HOXA4: variants seen among roughly 807,000 people sequenced by gnomAD.
The protein encoded by HOXA4 is homeobox protein Hox-A4.
HOXA4 carries 31 observed loss-of-function variants against 25.3 expected under a neutral mutation model. That is an observed-to-expected ratio of 1.22 (90% confidence interval 0.92 to 1.65). The LOEUF is 1.65. Ranked by LOEUF, HOXA4 falls within the 40% of genes most tolerant of loss-of-function variation. The pLI, the probability that HOXA4 is intolerant of heterozygous loss-of-function variation, is 0.00. For synonymous variants in HOXA4, 225 were observed against 207.7 expected (o/e 1.08, Z -0.72); for missense variants, 459 against 446.0 (o/e 1.03, Z -0.26).
In HOXA4 at chr7:27,130,161, C is replaced by T. The variant is rs1330441423; in HGVS notation, c.573G>A (p.Glu191=). The change falls in exon 1 of 2, where the codon GAG becomes GAA. Residue 191 remains glutamate, a synonymous_variant. Transcript: ENST00000360046. Reference sequence around the variant, plus strand: ...TCTTCATCCAGGGGTACACCACGGGCTCCTTGCCCTTCAGGCCCAGCGGGC... The same window carrying T: ...TCTTCATCCAGGGGTACACCACGGGTTCCTTGCCCTTCAGGCCCAGCGGGC... The part of the protein sequence containing the change: ...DKSPLGLKGK[E]PVVYPWMKKI... The T allele has an allele frequency of 1.9e-6, 3 of 1,601,342 alleles. No individual in the cohort carries two copies. The highest frequency in any genetic ancestry group is 3.4e-5 in the Admixed American group (2 of 59,592).
In HOXA4 at chr7:27,128,827, G is replaced by T; in HGVS notation, c.*398C>A. On this transcript the variant is annotated 3_prime_UTR_variant, in exon 2 of 2. Coordinates refer to ENST00000360046, the MANE Select transcript of HOXA4 (RefSeq NM_002141.5). ...AGCTGCCTTAATGGGGGAAGAGGAG[G>T]TAAGGAAGGTGGGGAAAGGGTCTGT... 1 of 237,324 alleles carries T rather than the reference G, an allele frequency of 4.2e-6. No homozygotes were observed. The highest frequency in any genetic ancestry group is 8.3e-6 in the Non-Finnish European group (1 of 120,148). 14.7% of individuals were successfully genotyped at this position (237,324 alleles called of 1,614,324 possible). A position where few individuals can be genotyped will look rare whatever the true frequency, so the allele number is the denominator to read the frequency against.
Position 27,129,864 on chromosome 7 carries a change from G to T in HOXA4, c.616+254C>A, listed in dbSNP as rs549643528. 48 of 605,546 alleles carry T rather than the reference G, an allele frequency of 7.9e-5. No homozygotes were observed. In the African/African-American group the frequency reaches 8.1e-4, roughly 10 times the overall value. 37.5% of individuals were successfully genotyped at this position (605,546 alleles called of 1,614,324 possible). A position where few individuals can be genotyped will look rare whatever the true frequency, so the allele number is the denominator to read the frequency against. Reference sequence around the variant, plus strand: ...TGCCAGGGCAATTAAATTTATGGGGGCTATAATTACTGCCCTAACAGTTTG... The same window carrying T: ...TGCCAGGGCAATTAAATTTATGGGGTCTATAATTACTGCCCTAACAGTTTG... On this transcript the variant is annotated intron_variant, in intron 1 of 1. Transcript: ENST00000360046.
At chr7:27,129,845 G>C (rs911890201) in intron 1 of HOXA4, 1 of 607,456 alleles carries the variant, frequency 1.6e-6, no homozygotes, top group Admixed American at 3.0e-5. Flanking sequence ...CCTCTGCCAG[G>C]GCAATTAAAT....
Position 27,130,500 on chromosome 7 carries a change from G to T in HOXA4, c.234C>A (p.Thr78=), listed in dbSNP as rs1230986118. ...EPTASYYAPR[T]AREPAYPAAA... ...CAGCAGGGTAGGCGGGCTCGCGGGCGGTCCGCGGCGCGTAGTAGGAGGCAG... is the reference window on the plus strand; with the variant it reads ...CAGCAGGGTAGGCGGGCTCGCGGGCTGTCCGCGGCGCGTAGTAGGAGGCAG... Residue 78 remains threonine (T), a synonymous_variant, in exon 1 of 2, where the codon ACC becomes ACA. Coordinates refer to ENST00000360046, the MANE Select transcript of HOXA4 (RefSeq NM_002141.5). The T allele has an allele frequency of 1.6e-6, 2 of 1,285,866 alleles. No homozygotes were observed. The highest frequency in any genetic ancestry group is 2.9e-4 in the Middle Eastern group (1 of 3,396). The allele number at this position is 1,285,866 out of a possible 1,614,324, so 79.7% of individuals were successfully genotyped here.
chr7:27,128,673 T>TA lies in HOXA4; in HGVS notation c.*551dup. 1.8e-5 allele frequency: 3 copies of TA among 168,736 alleles called. No individual in the cohort carries two copies. The highest frequency in any genetic ancestry group is 1.5e-4 in the East Asian group (1 of 6,634). 10.5% of individuals were successfully genotyped at this position (168,736 alleles called of 1,614,324 possible). On this transcript the variant is annotated 3_prime_UTR_variant, in exon 2 of 2. Coordinates refer to ENST00000360046, the MANE Select transcript of HOXA4 (RefSeq NM_002141.5). ...CAACAGTATCTCTGTAACAGTGTCT[T>TA]AAATAAATGCAAGTAAGAAAAACTA...
chr7:27,130,405 G>A lies in HOXA4; in HGVS notation c.329C>T (p.Pro110Leu). Residue 110 changes from proline to leucine, a missense_variant, in exon 1 of 2, where the codon CCC (proline) becomes CTC (leucine). Physicochemically the swap from Pro to Leu is moderately conservative, Grantham distance 98. Transcript: ENST00000360046. ...YPYGYRGGAS[P>L]GRPPQPEQPP... ...CTGCTCGGGCTGGGGCGGCCGCCCG[G>A]GGCTGGCGCCGCCGCGGTAGCCATA... The A allele has an allele frequency of 8.6e-7, 1 of 1,168,042 alleles. No homozygotes were observed. The highest frequency in any genetic ancestry group is 3.9e-5 in the East Asian group (1 of 25,876). The allele number at this position is 1,168,042 out of a possible 1,614,324, so 72.4% of individuals were successfully genotyped here.
rs538230708 is a variant in HOXA4, at chr7:27,129,334, T to C, written c.854A>G (p.Asn285Ser). 4.4e-5 allele frequency: 71 copies of C among 1,614,106 alleles called. 1 individual carries two copies. In the South Asian group the frequency reaches 7.1e-4, roughly 16 times the overall value. Reference sequence around the variant, plus strand: ...TGGGCCGGCAGAGGCCGAGGCCGAATTGGAGGATCGCATCTTGGTGTTGGG... The same window carrying C: ...TGGGCCGGCAGAGGCCGAGGCCGAACTGGAGGATCGCATCTTGGTGTTGGG... ...KLPNTKMRSS[N>S]SASASAGPPG... The change falls in exon 2 of 2, where the codon AAT (asparagine) becomes AGT (serine). Residue 285 changes from asparagine (N) to serine (S), a missense_variant. By Grantham distance (46) the Asn-to-Ser change is conservative (BLOSUM62 1). Coordinates refer to ENST00000360046, the MANE Select transcript of HOXA4 (RefSeq NM_002141.5).
chr7:27,129,446 T>A lies in HOXA4; in HGVS notation c.742A>T (p.Ile248Phe). The part of the protein sequence containing the change: ...RYLTRRRRIE[I>F]AHTLCLSERQ... ...TCAGACAAACAGAGCGTGTGGGCGA[T>A]CTCGATGCGGCGCCGCCGGGTCAGG... is the stretch of plus-strand genomic sequence containing the variant. Residue 248 changes from isoleucine (I) to phenylalanine (F), a missense_variant, in exon 2 of 2, where the codon ATC (isoleucine) becomes TTC (phenylalanine). Coordinates refer to ENST00000360046, the MANE Select transcript of HOXA4 (RefSeq NM_002141.5). The A allele has an allele frequency of 6.2e-7, 1 of 1,614,150 alleles. No homozygotes were observed. Among genetic ancestry groups the A allele is most frequent in the Non-Finnish European group, 8.5e-7 (1 of 1,180,024 alleles).
At chr7:27,129,635 G>A (rs1785434576) in intron 1 of HOXA4, 64 bp from the exon 2 acceptor site, 4 of 1,578,818 alleles carry the variant, frequency 2.5e-6, no homozygotes, top group East Asian at 4.5e-5. Flanking sequence ...GGGAAAGGAG[G>A]AGGAGAGAGA....
chr7:27,129,168 G>GGAGAA lies in HOXA4; in HGVS notation c.*52_*56dup, dbSNP rs1274235176. 25 of 1,044,726 alleles carry GGAGAA rather than the reference G, an allele frequency of 2.4e-5. No individual in the cohort carries two copies. The East Asian group carries it at 3.1e-4, about 13-fold the overall frequency. The allele number at this position is 1,044,726 out of a possible 1,614,324, so 64.7% of individuals were successfully genotyped here. ...GGAGGGGTGGATGAGGAACGGAGCA[G>GGAGAA]GAGAAGAGAAGAGAAAAGCAGGTAA... On this transcript the variant is annotated 3_prime_UTR_variant, in exon 2 of 2. Coordinates refer to ENST00000360046, the MANE Select transcript of HOXA4 (RefSeq NM_002141.5).
chr7:27,129,303 C>T lies in HOXA4; in HGVS notation c.885G>A (p.Gly295=), dbSNP rs1181801997. 1.2e-6 allele frequency: 2 copies of T among 1,613,920 alleles called. No homozygotes were observed. The highest frequency in any genetic ancestry group is 1.7e-5 in the Admixed American group (1 of 59,988). Residue 295 remains glycine, a synonymous_variant, in exon 2 of 2, where the codon GGG becomes GGA. Transcript: ENST00000360046. ...NSASASAGPP[G]KAQTQSPHLH... ...GGTGTGGGCTCTGAGTTTGTGCTTT[C>T]CCTGGTGGGCCGGCAGAGGCCGAGG...
chr7:27,128,777 A>T lies in HOXA4; in HGVS notation c.*448T>A, dbSNP rs1785389170. On this transcript the variant is annotated 3_prime_UTR_variant, in exon 2 of 2. Coordinates refer to ENST00000360046, the MANE Select transcript of HOXA4 (RefSeq NM_002141.5). ...TGAGGTCCACAATGTCTACTCATTT[A>T]TTCAGTTAAATACAAGCTTGGATGA... 1 of 203,262 alleles carries T rather than the reference A, an allele frequency of 4.9e-6. No individual in the cohort carries two copies. The highest frequency in any genetic ancestry group is 5.2e-5 in the Admixed American group (1 of 19,096). The allele number at this position is 203,262 out of a possible 1,614,324, so 12.6% of individuals were successfully genotyped here.
chr7:27,128,542 T>A lies in HOXA4; in HGVS notation c.*683A>T, dbSNP rs1361676661. 6.6e-6 allele frequency: 1 copy of A among 152,276 alleles called. No homozygotes were observed. The highest frequency in any genetic ancestry group is 1.5e-5 in the Non-Finnish European group (1 of 68,084). 9.4% of individuals were successfully genotyped at this position (152,276 alleles called of 1,614,324 possible). ...ATTTTTAATGTTTTTTAAATGGAGT[T>A]TATTCTTAGCACATGGCTTTCTATG... On this transcript the variant is annotated 3_prime_UTR_variant, in exon 2 of 2. Coordinates refer to ENST00000360046, the MANE Select transcript of HOXA4 (RefSeq NM_002141.5).
chr7:27,130,011 C>G, intron 1 of HOXA4, 107 bp downstream of exon 1: 1 of 1,302,224 alleles, frequency 7.7e-7, no homozygotes, highest in Non-Finnish European at 1.1e-6. Context: ...GATGGGGGCT[C>G]CCCTCCCGAG....
chr7:27,130,474 G>A lies in HOXA4; in HGVS notation c.260C>T (p.Ala87Val), dbSNP rs1404802513. 2 of 1,258,104 alleles carry A rather than the reference G, an allele frequency of 1.6e-6. No individual in the cohort carries two copies. The highest frequency in any genetic ancestry group is 2.0e-6 in the Non-Finnish European group (2 of 1,003,430). The allele number at this position is 1,258,104 out of a possible 1,614,324, so 77.9% of individuals were successfully genotyped here. ...RTAREPAYPA[A>V]ALYPAHGAAD... ...GGCCCCATGCGCGGGGTACAGCGCGGCAGCAGGGTAGGCGGGCTCGCGGGC... is the reference window on the plus strand; with the variant it reads ...GGCCCCATGCGCGGGGTACAGCGCGACAGCAGGGTAGGCGGGCTCGCGGGC... Residue 87 changes from alanine to valine, a missense_variant, in exon 1 of 2, where the codon GCC becomes GTC. Coordinates refer to ENST00000360046, the MANE Select transcript of HOXA4 (RefSeq NM_002141.5).
Position 27,129,192 on chromosome 7 carries a change from A to C in HOXA4, c.*33T>G. 8.3e-7 allele frequency: 1 copy of C among 1,211,990 alleles called. No individual in the cohort carries two copies. Among genetic ancestry groups the C allele is most frequent in the Non-Finnish European group, 1.2e-6 (1 of 813,222 alleles). The allele number at this position is 1,211,990 out of a possible 1,614,324, so 75.1% of individuals were successfully genotyped here. On this transcript the variant is annotated 3_prime_UTR_variant, in exon 2 of 2. Coordinates refer to ENST00000360046, the MANE Select transcript of HOXA4 (RefSeq NM_002141.5). The stretch of plus-strand genomic sequence containing the variant: ...AGGAGAAGAGAAGAGAAAAGCAGGT[A>C]AGGGATAGAAACTGGTTAAGATCTC...
rs1562721930 is a variant in HOXA4 at position 27,129,343 on chromosome 7, C to G, written c.845G>C (p.Arg282Pro). The change falls in exon 2 of 2, where the codon CGA becomes CCA. Residue 282 changes from arginine to proline, a missense_variant. Coordinates refer to ENST00000360046, the MANE Select transcript of HOXA4 (RefSeq NM_002141.5). ...KDHKLPNTKM[R>P]SSNSASASAG... ...AGAGGCCGAGGCCGAATTGGAGGAT[C>G]GCATCTTGGTGTTGGGCAGTTTGTG... 6.2e-7 allele frequency: 1 copy of G among 1,614,076 alleles called. No individual in the cohort carries two copies. The highest frequency in any genetic ancestry group is 2.2e-5 in the East Asian group (1 of 44,858).
chr7:27,129,546 C>T lies in HOXA4; in HGVS notation c.642G>A (p.Glu214=). The T allele has an allele frequency of 6.2e-7, 1 of 1,613,802 alleles. No homozygotes were observed. Among genetic ancestry groups the T allele is most frequent in the Non-Finnish European group, 8.5e-7 (1 of 1,180,034 alleles). ...TGTAGGCGGTTCGAGAGCGCTTAGG[C>T]TCCCCTCCGTTATAACTGGGGTTAA... is the stretch of plus-strand genomic sequence containing the variant. The part of the protein sequence containing the change: ...SAVNPSYNGG[E]PKRSRTAYTR... The change falls in exon 2 of 2, where the codon GAG becomes GAA. Residue 214 remains glutamate (E), a synonymous_variant. Coordinates refer to ENST00000360046, the MANE Select transcript of HOXA4 (RefSeq NM_002141.5).
rs2128054502 is a variant in HOXA4, at chr7:27,130,186, C to G, written c.548G>C (p.Ser183Thr). Reference sequence around the variant, plus strand: ...CTCCTTGCCCTTCAGGCCCAGCGGGCTCTTGTCGGCCAAGAGCAGCGGGCA... The same window carrying G: ...CTCCTTGCCCTTCAGGCCCAGCGGGGTCTTGTCGGCCAAGAGCAGCGGGCA... ...PACPLLLADKSPLGLKGKEPV... is the reference protein window; with the variant it reads ...PACPLLLADKTPLGLKGKEPV... The change falls in exon 1 of 2, where the codon AGC becomes ACC. Residue 183 changes from serine (S) to threonine (T), a missense_variant. Ser to Thr is a moderately conservative substitution (Grantham distance 58). Transcript: ENST00000360046. 6.3e-7 allele frequency: 1 copy of G among 1,585,948 alleles called. No homozygotes were observed. The highest frequency in any genetic ancestry group is 8.5e-7 in the Non-Finnish European group (1 of 1,171,164).
Sources: allele counts gnomAD v4.1 joint callset, GRCh38; gene constraint gnomAD v4.1.1; transcripts MANE v1.5; gene names NCBI Gene and HGNC (gene_info 2026-07-23, HGNC 2026-07-21).